MGLL: variants seen among roughly 807,000 people sequenced by gnomAD.
MGLL encodes the protein lysophospholipase homolog.
MGLL carries 7 observed loss-of-function variants against 29.1 expected under a neutral mutation model. That is an observed-to-expected ratio of 0.24 (90% confidence interval 0.14 to 0.45). The LOEUF is 0.45. Ranked by LOEUF, MGLL falls within the 20% of genes least tolerant of loss-of-function variation. MGLL has a pLI of 0.99. For synonymous variants in MGLL, 148 were observed against 168.3 expected (o/e 0.88, Z 0.93); for missense variants, 356 against 413.6 (o/e 0.86, Z 1.21).
chr3:127,801,367 A>G (rs1449458387), intron 2 of MGLL, among the ~76,000 whole-genome samples: 1 of 151,274 alleles, frequency 6.6e-6, no homozygotes, highest in Non-Finnish European at 1.5e-5. Flanking sequence ...CTGTAATCTC[A>G]GCACTTTGTG....
chr3:127,738,371 G>C (rs2076280636), intron 3 of MGLL, among the ~76,000 whole-genome samples: 1 of 151,964 alleles, frequency 6.6e-6, no homozygotes, highest in Admixed American at 6.6e-5. Flanking sequence ...CTTTCTTGTT[G>C]ATTCCTCCAG....
At chr3:127,700,352 C>G (rs1008805069) in intron 6 of MGLL, among the ~76,000 whole-genome samples, 5 of 152,230 alleles carry the variant, frequency 3.3e-5, no homozygotes, top group African/African-American at 1.2e-4. Flanking sequence ...TCTCCCATCA[C>G]AAACAGCTTT....
intron 2 of MGLL, among the ~76,000 whole-genome samples, chr3:127,788,235 C>T (rs1198342319): frequency 1.3e-5 from 2 of 152,188 alleles, no homozygotes; most frequent in Non-Finnish European, 2.9e-5. Context: ...TGACAGCTGA[C>T]ACCTTGGCCA....
chr3:127,694,811 C>T (rs1202209165), intron 7 of MGLL, among the ~76,000 whole-genome samples, 164 bp downstream of exon 7: 1 of 152,120 alleles, frequency 6.6e-6, no homozygotes, highest in African/African-American at 2.4e-5. Flanking sequence ...TTCATAGGCT[C>T]CTGGGATTCC....
At chr3:127,725,222 A>G (rs2076009856) in intron 3 of MGLL, among the ~76,000 whole-genome samples, 2 of 152,072 alleles carry the variant, frequency 1.3e-5, no homozygotes, top group African/African-American at 4.8e-5. Flanking sequence ...CTGGAAATGG[A>G]CTTCCTTGGC....
intron 3 of MGLL, among the ~76,000 whole-genome samples, chr3:127,771,322 T>C (rs567658238): frequency 3.3e-5 from 5 of 152,286 alleles, no homozygotes; most frequent in African/African-American, 9.6e-5. Context: ...GGCAACCCTT[T>C]ACTATTTCTG....
chr3:127,739,790 C>T (rs1302642352), intron 3 of MGLL, among the ~76,000 whole-genome samples: 2 of 152,220 alleles, frequency 1.3e-5, no homozygotes, highest in Non-Finnish European at 2.9e-5. Flanking sequence ...TGGTACTGTG[C>T]TGCTTCTTTG....
At chr3:127,715,395 G>T (rs558199374) in intron 5 of MGLL, 2 of 325,700 alleles carry the variant, frequency 6.1e-6, no homozygotes, top group Non-Finnish European at 1.2e-5. Flanking sequence ...AGACTCAATT[G>T]TGTAGAGGCA....
intron 6 of MGLL, among the ~76,000 whole-genome samples, chr3:127,698,952 C>T (rs2107587386): frequency 6.6e-6 from 1 of 152,350 alleles, no homozygotes; most frequent in East Asian, 1.9e-4. Flanking sequence ...AAGCAGGAGC[C>T]CAAGCTGGGG....
chr3:127,719,682 C>G (rs3773154), intron 5 of MGLL, among the ~76,000 whole-genome samples: 1 of 152,092 alleles, frequency 6.6e-6, no homozygotes, highest in Admixed American at 6.5e-5. Context: ...ATGTCTCCCC[C>G]CAATCGCACG....
chr3:127,741,538 GGGGCAGAGGTTTGTGGGGAGC>G (rs528799606), intron 3 of MGLL, among the ~76,000 whole-genome samples: 340 of 152,324 alleles, frequency 2.2e-3, no homozygotes, highest in African/African-American at 7.7e-3. Context: ...GTGTTACACC[GGGGCAGAGGTTTGTGGGGAGC>G]GGGCAGAGGT....
chr3:127,740,362 A>T (rs2076317532), intron 3 of MGLL, among the ~76,000 whole-genome samples: 1 of 152,082 alleles, frequency 6.6e-6, no homozygotes, highest in Non-Finnish European at 1.5e-5. Flanking sequence ...ACCACCACTG[A>T]CTTTTTGTCT....
intron 3 of MGLL, among the ~76,000 whole-genome samples, chr3:127,726,184 GAAAA>G (rs1311985663): frequency 1.1e-4 from 7 of 63,238 alleles, no homozygotes; most frequent in South Asian, 5.2e-4. Flanking sequence ...AAGAAAGAAA[GAAAA>G]GAAAAGAAAG....
chr3:127,759,666 G>A (rs1337017096), intron 3 of MGLL, among the ~76,000 whole-genome samples: 2 of 152,194 alleles, frequency 1.3e-5, no homozygotes, highest in East Asian at 1.9e-4. Flanking sequence ...CAGAGATCCC[G>A]ATGACTTCAG....
intron 3 of MGLL, among the ~76,000 whole-genome samples, chr3:127,775,789 CAGCAGGACTGCAGGG>C (rs2077025859): frequency 6.6e-6 from 1 of 152,316 alleles, no homozygotes; most frequent in Non-Finnish European, 1.5e-5. Flanking sequence ...GGGCCCTTTC[CAGCAGGACTGCAGGG>C]AGCAGGCCTG....
intron 6 of MGLL, among the ~76,000 whole-genome samples, chr3:127,710,196 G>A (rs573049486): frequency 3.3e-5 from 5 of 152,316 alleles, no homozygotes; most frequent in East Asian, 3.9e-4. Context: ...GGAAGAGACC[G>A]ATGGAGAATA....
At chr3:127,727,696 A>G (rs1411675112) in intron 3 of MGLL, among the ~76,000 whole-genome samples, 2 of 137,172 alleles carry the variant, frequency 1.5e-5, no homozygotes, top group African/African-American at 5.4e-5. Context: ...TGGGCAACAG[A>G]GCAAGGCTAA....
chr3:127,755,029 G>A (rs905623504), intron 3 of MGLL, among the ~76,000 whole-genome samples: 6 of 152,218 alleles, frequency 3.9e-5, no homozygotes, highest in African/African-American at 1.2e-4. Flanking sequence ...TTGTTTTCTC[G>A]GCATTTTTTG....
At chr3:127,718,031 T>TTGATGGAAAAG (rs2075849274) in intron 5 of MGLL, among the ~76,000 whole-genome samples, 1 of 152,190 alleles carries the variant, frequency 6.6e-6, no homozygotes. Context: ...GGCCCCCCCA[T>TTGATGGAAAAG]CCATCCTCAT....
Sources: allele counts gnomAD v4.1 joint callset (sites outside exome capture counted in the v4.1 genomes callset), GRCh38; gene constraint gnomAD v4.1.1; transcripts MANE v1.5; gene names NCBI Gene and HGNC (gene_info 2026-07-23, HGNC 2026-07-21).